NDUFS1: variants seen among roughly 807,000 people sequenced by gnomAD.
The protein encoded by NDUFS1 is NADH:ubiquinone oxidoreductase core subunit S1.
A neutral mutation model predicts 84.4 loss-of-function variants in NDUFS1; 61 were observed. The ratio of observed to expected loss-of-function variants is 0.72; its 90% CI spans 0.59 to 0.89. NDUFS1 has a LOEUF of 0.89. Ranked by LOEUF, NDUFS1 falls within the 40% of genes least tolerant of loss-of-function variation. The pLI, the probability that NDUFS1 is intolerant of heterozygous loss-of-function variation, is 0.00. For missense variants in NDUFS1, 891 were observed against 890.0 expected, an observed-to-expected ratio of 1.00 and a Z score of -0.01; for synonymous variants, 275 against 290.0, an observed-to-expected ratio of 0.95 and a Z score of 0.53.
Position 206,138,528 on chromosome 2 carries a change from T to G in NDUFS1, c.1349A>C (p.Lys450Thr). The G allele has an allele frequency of 3.7e-6, 6 of 1,614,138 alleles. No individual in the cohort carries two copies. Among genetic ancestry groups the G allele is most frequent in the Non-Finnish European group, 5.1e-6 (6 of 1,179,994 alleles). The part of the protein sequence containing the change: ...YTYDHLGDSP[K>T]ILQDIASGSH... ...TCCCGAAGCAATGTCTTGAAGAATT[T>G]TGGGGGAGTCTCCCAGGTGGTCATA... The change falls in exon 13 of 19, where the codon AAA becomes ACA. Residue 450 changes from lysine to threonine, a missense_variant. Physicochemically the swap from Lys to Thr is moderately conservative, Grantham distance 78. Transcript: ENST00000233190.
chr2:206,156,268 A>C (rs562861631), intron 1 of NDUFS1, among the ~76,000 whole-genome samples: 7 of 150,728 alleles, frequency 4.6e-5, no homozygotes, highest in Non-Finnish European at 8.9e-5. Flanking sequence ...GTCTCAAAAA[A>C]AAAAAAAAAA....
intron 4 of NDUFS1, 175 bp downstream of exon 4, chr2:206,149,643 A>G (rs1465989625): frequency 1.1e-5 from 7 of 627,152 alleles, no homozygotes; most frequent in Admixed American, 2.9e-5. Flanking sequence ...ACTTCTATCT[A>G]TGTGTTTCCA....
intron 2 of NDUFS1, 51 bp downstream of exon 2, chr2:206,153,567 T>G (rs1209202441): frequency 1.8e-6 from 2 of 1,090,852 alleles, no homozygotes; most frequent in Non-Finnish European, 2.8e-6. Flanking sequence ...CTTATAAATT[T>G]ACAAAAATAA....
chr2:206,120,677 A>G lies in NDUFS1; in HGVS notation c.*3508T>C, dbSNP rs1478838877. The G allele has an allele frequency of 1.3e-5, 2 of 152,308 alleles. No homozygotes were observed. Among genetic ancestry groups the G allele is most frequent in the Non-Finnish European group, 2.9e-5 (2 of 68,102 alleles). The allele number at this position is 152,308 out of a possible 1,614,324, so 9.4% of individuals were successfully genotyped here. A position where few individuals can be genotyped will look rare whatever the true frequency, so the allele number is the denominator to read the frequency against. ...GCCTGGCTGATGCTAGCAGCCTACA[A>G]TCAGATATGGAAGCAAAGAAATAAC... On this transcript the variant is annotated 3_prime_UTR_variant, in exon 19 of 19. Transcript: ENST00000233190.
Position 206,119,617 on chromosome 2 carries a change from C to T in NDUFS1, c.*4568G>A, listed in dbSNP as rs527290412. On this transcript the variant is annotated 3_prime_UTR_variant, in exon 19 of 19. Coordinates refer to ENST00000233190, the MANE Select transcript of NDUFS1 (RefSeq NM_005006.7). ...TAGTAGAGACAGAGTTTCACCATGT[C>T]GGACAGGCTGGTCTCGAAAACTCCT... is the stretch of plus-strand genomic sequence containing the variant. The T allele has an allele frequency of 9.8e-4, 149 of 152,116 alleles. No individual in the cohort carries two copies. Among genetic ancestry groups the T allele is most frequent in the Non-Finnish European group, 1.9e-3 (128 of 68,012 alleles). The allele number at this position is 152,116 out of a possible 1,614,324, so 9.4% of individuals were successfully genotyped here.
In NDUFS1 at chr2:206,130,138, C is replaced by T. The variant is rs1053632775; in HGVS notation, c.1658G>A (p.Gly553Asp). The T allele has an allele frequency of 8.1e-6, 13 of 1,613,998 alleles. No individual in the cohort carries two copies. Among genetic ancestry groups the T allele is most frequent in the South Asian group, 6.6e-5 (6 of 91,080 alleles). The change falls in exon 15 of 19, where the codon GGT (glycine) becomes GAT (aspartate). Residue 553 changes from glycine to aspartate, a missense_variant. Coordinates refer to ENST00000233190, the MANE Select transcript of NDUFS1 (RefSeq NM_005006.7). Reference sequence around the variant, plus strand: ...TGGCAAATCCTGTCGTGTGATACAACCTCCATCTGCTCCCAGGAGAAACAG... The same window carrying T: ...TGGCAAATCCTGTCGTGTGATACAATCTCCATCTGCTCCCAGGAGAAACAG... ...KVLFLLGADG[G>D]CITRQDLPKD... is the part of the protein sequence containing the mutation.
At chr2:206,158,428 C>T (rs1246063450) in intron 1 of NDUFS1, among the ~76,000 whole-genome samples, 1 of 152,188 alleles carries the variant, frequency 6.6e-6, no homozygotes, top group Non-Finnish European at 1.5e-5. Flanking sequence ...GGCTATCTAA[C>T]ATTTACGATT....
intron 13 of NDUFS1, 57 bp downstream of exon 13, chr2:206,138,428 G>A: frequency 1.9e-6 from 3 of 1,568,280 alleles, no homozygotes; most frequent in East Asian, 2.3e-5. Flanking sequence ...AAACAGTTAA[G>A]TTTAAATAAT....
intron 18 of NDUFS1, among the ~76,000 whole-genome samples, chr2:206,125,541 T>C (rs936197897): frequency 6.9e-6 from 1 of 144,196 alleles, no homozygotes; most frequent in Non-Finnish European, 1.5e-5. Flanking sequence ...AGTTAATTAA[T>C]ATAATATATA....
rs387907199 is a variant in NDUFS1, at chr2:206,127,898, T to C, written c.1783A>G (p.Thr595Ala). ...GCTCTACCCTCAGTGTTGACATATG[T>C]AGCAGACTTCTCTGTGTAAGCAGCT... is the stretch of plus-strand genomic sequence containing the variant. ...PGAAYTEKSA[T>A]YVNTEGRAQQ... The change falls in exon 16 of 19, where the codon ACA (threonine) becomes GCA (alanine). Residue 595 changes from threonine (T) to alanine (A), a missense_variant. Thr to Ala is a moderately conservative substitution (Grantham distance 58). Transcript: ENST00000233190. 1 of 1,614,170 alleles carries C rather than the reference T, an allele frequency of 6.2e-7. No individual in the cohort carries two copies. The highest frequency in any genetic ancestry group is 1.7e-5 in the Admixed American group (1 of 60,014).
chr2:206,133,638 A>C (rs1460961531), intron 13 of NDUFS1, among the ~76,000 whole-genome samples: 1 of 152,208 alleles, frequency 6.6e-6, no homozygotes, highest in Admixed American at 6.5e-5. Context: ...AATGCATCCC[A>C]AGAGTAAAGG....
intron 11 of NDUFS1, 88 bp downstream of exon 11, chr2:206,142,598 G>A (rs1050253320): frequency 3.0e-5 from 45 of 1,515,048 alleles, no homozygotes; most frequent in Non-Finnish European, 4.0e-5. Flanking sequence ...TGGGGGATAT[G>A]TTGGAGAATC....
chr2:206,141,013 T>C (rs1390041911), intron 12 of NDUFS1, among the ~76,000 whole-genome samples: 1 of 151,444 alleles, frequency 6.6e-6, no homozygotes, highest in Non-Finnish European at 1.5e-5. Flanking sequence ...GTGAACAATA[T>C]ACAAAATGGT....
In NDUFS1 at chr2:206,118,401, G is replaced by A. The variant is rs1691009343; in HGVS notation, c.*5784C>T. 1 of 152,192 alleles carries A rather than the reference G, an allele frequency of 6.6e-6. No individual in the cohort carries two copies. The highest frequency in any genetic ancestry group is 2.4e-5 in the African/African-American group (1 of 41,416). 9.4% of individuals were successfully genotyped at this position (152,192 alleles called of 1,614,324 possible). The stretch of plus-strand genomic sequence containing the variant: ...AGCACTTTGGGAGGCTGAGGCAGGT[G>A]GATCACTTGAACTCAGGAGTTTAAG... On this transcript the variant is annotated 3_prime_UTR_variant, in exon 19 of 19. Transcript: ENST00000233190.
Position 206,149,933 on chromosome 2 carries a change from T to TAAAAAAAAAAAA in NDUFS1, c.154-20_154-9dup. 2 of 602,022 alleles carry TAAAAAAAAAAAA rather than the reference T, an allele frequency of 3.3e-6. 1 individual carries two copies. Among genetic ancestry groups the TAAAAAAAAAAAA allele is most frequent in the Admixed American group, 6.7e-5 (2 of 30,006 alleles). 37.3% of individuals were successfully genotyped at this position (602,022 alleles called of 1,614,324 possible). On this transcript the variant is annotated splice_polypyrimidine_tract_variant and intron_variant, in intron 3 of 18. Transcript: ENST00000233190. Reference sequence around the variant, plus strand: ...GCCAACCTTCTCACAAGCCTAGAAGTAAAAAAAAAAAAAAAAAAAAAAAAA... The same window carrying TAAAAAAAAAAAA: ...GCCAACCTTCTCACAAGCCTAGAAGTAAAAAAAAAAAAAAAAAAAAAAAAAAAAAAAAAAAAA...
Position 206,122,107 on chromosome 2 carries a change from G to A in NDUFS1, c.*2078C>T, listed in dbSNP as rs933714610. The A allele has an allele frequency of 2.6e-5, 4 of 152,052 alleles. No homozygotes were observed. Among genetic ancestry groups the A allele is most frequent in the Admixed American group, 2.0e-4 (3 of 15,256 alleles). The allele number at this position is 152,052 out of a possible 1,614,324, so 9.4% of individuals were successfully genotyped here. A position where few individuals can be genotyped will look rare whatever the true frequency, so the allele number is the denominator to read the frequency against. On this transcript the variant is annotated 3_prime_UTR_variant, in exon 19 of 19. Transcript: ENST00000233190. ...GAGGATAAGATAAACAGTTCTAAAA[G>A]CTGGTACAGGTGACAAATTTTGTGC...
chr2:206,159,254 C>T (rs1687813171), intron 1 of NDUFS1, 87 bp downstream of exon 1: 2 of 967,606 alleles, frequency 2.1e-6, no homozygotes, highest in Admixed American at 2.0e-5. Flanking sequence ...CAGAAGACTA[C>T]GTCGCGTGGG....
Position 206,138,537 on chromosome 2 carries a change from T to A in NDUFS1, c.1340A>T (p.Asp447Val). 6.2e-7 allele frequency: 1 copy of A among 1,613,792 alleles called. No individual in the cohort carries two copies. ...DLTYTYDHLG[D>V]SPKILQDIAS... is the part of the protein sequence containing the mutation. ...AATGTCTTGAAGAATTTTGGGGGAGTCTCCCAGGTGGTCATATGTGTAAGT... is the reference window on the plus strand; with the variant it reads ...AATGTCTTGAAGAATTTTGGGGGAGACTCCCAGGTGGTCATATGTGTAAGT... The change falls in exon 13 of 19, where the codon GAC (aspartate) becomes GTC (valine). Residue 447 changes from aspartate (D) to valine (V), a missense_variant. Asp to Val is a radical substitution (Grantham distance 152). Coordinates refer to ENST00000233190, the MANE Select transcript of NDUFS1 (RefSeq NM_005006.7).
At chr2:206,142,142 C>T (rs1691987431) in intron 11 of NDUFS1, 73 bp from the exon 12 acceptor site, 1 of 1,359,146 alleles carries the variant, frequency 7.4e-7, no homozygotes. Context: ...AAATATTCTC[C>T]TATCATCAAA....
Sources: allele counts gnomAD v4.1 joint callset (sites outside exome capture counted in the v4.1 genomes callset), GRCh38; gene constraint gnomAD v4.1.1; transcripts MANE v1.5; gene names NCBI Gene and HGNC (gene_info 2026-07-23, HGNC 2026-07-21).